ASPH: variants seen among roughly 807,000 people sequenced by gnomAD.
ASPH encodes the protein aspartyl/asparaginyl beta-hydroxylase.
In ASPH, 100 loss-of-function variants were observed where a neutral mutation model predicts 118.4. That is an observed-to-expected ratio of 0.84 (90% confidence interval 0.72 to 1.00). The LOEUF is 1.00. ASPH is among the 50% of genes least tolerant of loss of function. The pLI is 0.00. For missense variants in ASPH, 920 were observed against 919.5 expected, an observed-to-expected ratio of 1.00 and a Z score of -0.01; for synonymous variants, 315 against 325.6, an observed-to-expected ratio of 0.97 and a Z score of 0.35.
chr8:61,677,994 C>T lies in ASPH; in HGVS notation c.322+2974G>A, dbSNP rs568963654. Among the ~76,000 whole-genome samples the T allele has an allele frequency of 3.9e-5, 6 of 152,210 alleles. No homozygotes were observed. In the East Asian group the frequency reaches 9.7e-4, roughly 25 times the overall value. On this transcript the variant is annotated intron_variant, in intron 3 of 24. Coordinates refer to ENST00000379454, the MANE Select transcript of ASPH (RefSeq NM_004318.4). Reference sequence around the variant, plus strand: ...GTCCAGAGAGAAAAATATATACTCTCGGCATGTGATTCCTTCTGAACCTCT... The same window carrying T: ...GTCCAGAGAGAAAAATATATACTCTTGGCATGTGATTCCTTCTGAACCTCT...
intron 23 of ASPH, 52 bp from the exon 24 acceptor site, chr8:61,517,713 ACTG>A (rs1373882973): frequency 4.4e-6 from 7 of 1,586,122 alleles, no homozygotes; most frequent in Non-Finnish European, 6.0e-6. Flanking sequence ...GTGTGGAGGA[ACTG>A]CTAAGTTAAG....
At chr8:61,621,495 T>G (rs1169744038) in intron 13 of ASPH, among the ~76,000 whole-genome samples, 2 of 152,204 alleles carry the variant, frequency 1.3e-5, no homozygotes, top group African/African-American at 2.4e-5. Flanking sequence ...TTTGCTTTAT[T>G]CTCTGTACCT....
chr8:61,567,026 A>C, intron 17 of ASPH, 142 bp downstream of exon 17: 1 of 1,029,836 alleles, frequency 9.7e-7, no homozygotes, highest in Non-Finnish European at 1.4e-6. Flanking sequence ...TGGTGAGCCT[A>C]GGACAGACAC....
At chr8:61,620,133 C>G (rs1588178554) in intron 13 of ASPH, among the ~76,000 whole-genome samples, 1 of 152,136 alleles carries the variant, frequency 6.6e-6, no homozygotes, top group Non-Finnish European at 1.5e-5. Flanking sequence ...GTTCTTGCTC[C>G]TTTGAGACTC....
intron 1 of ASPH, among the ~76,000 whole-genome samples, chr8:61,689,038 T>C (rs983455949): frequency 2.6e-5 from 4 of 152,204 alleles, no homozygotes; most frequent in African/African-American, 9.6e-5. Context: ...ATCTTCAACA[T>C]AATGAGTGAA....
chr8:61,562,781 A>T lies in ASPH; in HGVS notation c.1400T>A (p.Ile467Lys). 7 of 1,611,852 alleles carry T rather than the reference A, an allele frequency of 4.3e-6. No homozygotes were observed. Among genetic ancestry groups the T allele is most frequent in the Non-Finnish European group, 5.1e-6 (6 of 1,179,198 alleles). Residue 467 changes from isoleucine (I) to lysine (K), a missense_variant, in exon 18 of 25, where the codon ATA becomes AAA. By Grantham distance (102) the Ile-to-Lys change is moderately radical. Transcript: ENST00000379454. ...KNDLGVGYLL[I>K]GDNDNAKKVY... The stretch of plus-strand genomic sequence containing the variant: ...TTTCTTTGCATTGTCATTATCTCCT[A>T]TCAAGAGGTATCCCACGCCAAGGTC...
chr8:61,697,550 C>T (rs1285113083), intron 1 of ASPH, among the ~76,000 whole-genome samples: 1 of 152,172 alleles, frequency 6.6e-6, no homozygotes, highest in Non-Finnish European at 1.5e-5. Context: ...TAGGTTGTCA[C>T]CTATACTTCA....
At chr8:61,651,631 G>A (rs886518920) in intron 4 of ASPH, among the ~76,000 whole-genome samples, 3 of 152,166 alleles carry the variant, frequency 2.0e-5, no homozygotes, top group African/African-American at 7.2e-5. Flanking sequence ...AGAGGTAGCC[G>A]ACTGCTCTCA....
intron 12 of ASPH, among the ~76,000 whole-genome samples, chr8:61,636,164 T>C (rs759876554): frequency 7.2e-5 from 11 of 152,272 alleles, no homozygotes; most frequent in Middle Eastern, 3.4e-3. Flanking sequence ...AGCTATACTT[T>C]TGGACAGATC....
At chr8:61,693,095 C>G (rs139624338) in intron 1 of ASPH, among the ~76,000 whole-genome samples, 1 of 152,284 alleles carries the variant, frequency 6.6e-6, no homozygotes, top group African/African-American at 2.4e-5. Context: ...CCCACTCCCA[C>G]CCCATGCTCA....
intron 3 of ASPH, among the ~76,000 whole-genome samples, chr8:61,671,102 C>T (rs1468695272): frequency 1.3e-5 from 2 of 152,060 alleles, no homozygotes; most frequent in East Asian, 3.9e-4. Context: ...AGATTAGTGA[C>T]AGCACGTAGA....
chr8:61,644,482 G>T, intron 7 of ASPH, 118 bp downstream of exon 7: 3 of 644,318 alleles, frequency 4.7e-6, no homozygotes, highest in Non-Finnish European at 6.9e-6. Context: ...ATTATTAATT[G>T]CATATCTTGC....
chr8:61,503,898 T>C (rs1167142508), intron 24 of ASPH, among the ~76,000 whole-genome samples: 3 of 152,208 alleles, frequency 2.0e-5, no homozygotes, highest in Non-Finnish European at 4.4e-5. Flanking sequence ...ATCAATTGTC[T>C]TTTCAGCTCA....
At chr8:61,508,423 C>T (rs1186858642) in intron 24 of ASPH, among the ~76,000 whole-genome samples, 1 of 152,120 alleles carries the variant, frequency 6.6e-6, no homozygotes, top group East Asian at 1.9e-4. Flanking sequence ...AATCTGTCAA[C>T]TTCTCAAATT....
rs756131372 is a variant in ASPH at position 61,553,034 on chromosome 8, T to C, written c.1623A>G (p.Lys541=). The C allele has an allele frequency of 6.2e-6, 10 of 1,610,650 alleles. No individual in the cohort carries two copies. The highest frequency in any genetic ancestry group is 1.7e-4 in the Middle Eastern group (1 of 6,054). Residue 541 remains lysine (K), a synonymous_variant, in exon 20 of 25, where the codon AAA becomes AAG. Transcript: ENST00000379454. ...CAGAAATTCATATACCCATTACCTC[T>C]TTGTTCCCAACCCTCTGCATGGCAT... is the stretch of plus-strand genomic sequence containing the variant. ...LGDAMQRVGN[K]EAYKWYELGH...
chr8:61,520,164 A>C (rs764357370), intron 22 of ASPH, among the ~76,000 whole-genome samples: 1 of 152,256 alleles, frequency 6.6e-6, no homozygotes, highest in Non-Finnish European at 1.5e-5. Flanking sequence ...TTAACTGTCA[A>C]GAGCACAGAT....
Position 61,644,589 on chromosome 8 carries a change from T to TA in ASPH, c.652+10dup. 6.3e-7 allele frequency: 1 copy of TA among 1,575,108 alleles called. No individual in the cohort carries two copies. Among genetic ancestry groups the TA allele is most frequent in the Non-Finnish European group, 8.6e-7 (1 of 1,161,596 alleles). On this transcript the variant is annotated intron_variant, in intron 7 of 24. Coordinates refer to ENST00000379454, the MANE Select transcript of ASPH (RefSeq NM_004318.4). The stretch of plus-strand genomic sequence containing the variant: ...ACTCTAATTAAGAACAGAATTAAAT[T>TA]AAAATCTCACCTGTCTCTTCCACGT...
chr8:61,536,357 T>C (rs557908076), intron 21 of ASPH, among the ~76,000 whole-genome samples: 1 of 152,232 alleles, frequency 6.6e-6, no homozygotes, highest in African/African-American at 2.4e-5. Flanking sequence ...ACATTTCTTA[T>C]TGTGGAAATA....
intron 7 of ASPH, among the ~76,000 whole-genome samples, chr8:61,644,397 A>G (rs983380884): frequency 2.0e-5 from 3 of 152,264 alleles, no homozygotes; most frequent in Admixed American, 6.5e-5. Flanking sequence ...CTGAAAATTT[A>G]TCCTCAGGAA....
Sources: allele counts gnomAD v4.1 joint callset (sites outside exome capture counted in the v4.1 genomes callset), GRCh38; gene constraint gnomAD v4.1.1; transcripts MANE v1.5; gene names NCBI Gene and HGNC (gene_info 2026-07-23, HGNC 2026-07-21).